TENM3: variants seen among roughly 807,000 people sequenced by gnomAD.
TENM3 encodes the protein teneurin transmembrane protein 3, also known as teneurin-3.
In TENM3, 63 loss-of-function variants were observed where a neutral mutation model predicts 255.1. That is an observed-to-expected ratio of 0.25 (90% CI 0.20 to 0.30). The LOEUF (loss-of-function observed/expected upper bound fraction) is 0.30. TENM3 is among the 10% of genes least tolerant of loss of function. The pLI is 1.00. For missense variants in TENM3, 2,929 were observed against 3,461.1 expected (o/e 0.85, Z 3.86); for synonymous variants, 1,306 against 1,322.3 (o/e 0.99, Z 0.27).
chr4:181,822,692 A>T, the TENM3 span, among the ~76,000 whole-genome samples: 1 of 152,214 alleles, frequency 6.6e-6, no homozygotes, highest in South Asian at 2.1e-4. Context: ...ACAAGTATGT[A>T]TGACACTTGC....
At chr4:181,462,897 C>T in the TENM3 span, among the ~76,000 whole-genome samples, 1,433 of 152,304 alleles carry the variant, frequency 9.4e-3, 10 homozygotes, top group Non-Finnish European at 0.014. Flanking sequence ...CACATATTTA[C>T]CTTATTCATC....
At chr4:182,766,285 G>T (rs1763710561) in intron 22 of TENM3, among the ~76,000 whole-genome samples, 1 of 152,036 alleles carries the variant, frequency 6.6e-6, no homozygotes, top group Non-Finnish European at 1.5e-5. Flanking sequence ...GCCATCAGCT[G>T]TCTAGGAGGT....
At chr4:182,448,829 C>T (rs1773169460) in intron 3 of TENM3, among the ~76,000 whole-genome samples, 1 of 151,392 alleles carries the variant, frequency 6.6e-6, no homozygotes, top group Non-Finnish European at 1.5e-5. Context: ...GGGGGTGAGG[C>T]GGCGGCCGAG....
At chr4:181,722,989 C>T in the TENM3 span, among the ~76,000 whole-genome samples, 1 of 152,038 alleles carries the variant, frequency 6.6e-6, no homozygotes, top group Non-Finnish European at 1.5e-5. Context: ...CTATTTTTGG[C>T]TTCTGAGCTC....
chr4:181,738,549 T>A, the TENM3 span, among the ~76,000 whole-genome samples: 1 of 152,256 alleles, frequency 6.6e-6, no homozygotes, highest in East Asian at 1.9e-4. Flanking sequence ...TTTTAGAATG[T>A]TTAGGTTTGG....
At chr4:181,661,758 A>G in the TENM3 span, among the ~76,000 whole-genome samples, 2 of 151,840 alleles carry the variant, frequency 1.3e-5, no homozygotes, top group African/African-American at 2.4e-5. Flanking sequence ...TTTCACAGTT[A>G]ATGAAAGGAG....
chr4:182,324,232 C>A lies in TENM3; in HGVS notation c.212C>A (p.Ala71Glu). ...NRVKDLVHRE[A>E]DEFTRQGQNF... ...GTGAAGGATTTGGTTCACAGAGAAGCAGACGAGTTCACTAGACAAGGTGGG... is the reference window on the plus strand; with the variant it reads ...GTGAAGGATTTGGTTCACAGAGAAGAAGACGAGTTCACTAGACAAGGTGGG... The change falls in exon 2 of 28, where the codon GCA becomes GAA. Residue 71 changes from alanine (A) to glutamate (E), a missense_variant. Ala to Glu is a moderately radical substitution (Grantham distance 107). Transcript: ENST00000511685. 1 of 1,613,592 alleles carries A rather than the reference C, an allele frequency of 6.2e-7. No homozygotes were observed. The highest frequency in any genetic ancestry group is 8.5e-7 in the Non-Finnish European group (1 of 1,179,492).
chr4:182,238,862 T>C (rs1757056773), upstream of TENM3, among the ~76,000 whole-genome samples: 1 of 152,086 alleles, frequency 6.6e-6, no homozygotes, highest in Admixed American at 6.5e-5. Context: ...CCTACCGCGG[T>C]GACTCATTCA....
At chr4:182,488,349 A>AT (rs1054387996) in intron 3 of TENM3, among the ~76,000 whole-genome samples, 5 of 152,204 alleles carry the variant, frequency 3.3e-5, no homozygotes, top group African/African-American at 1.2e-4. Flanking sequence ...GATGTATTTA[A>AT]TTTCCAAGAA....
chr4:182,513,397 T>G (rs1382093086), intron 3 of TENM3, among the ~76,000 whole-genome samples: 1 of 151,940 alleles, frequency 6.6e-6, no homozygotes, highest in Admixed American at 6.5e-5. Flanking sequence ...GATATATTAG[T>G]GATAGGATTA....
At chr4:182,090,105 C>T in the TENM3 span, among the ~76,000 whole-genome samples, 2 of 152,180 alleles carry the variant, frequency 1.3e-5, no homozygotes, top group Non-Finnish European at 2.9e-5. Flanking sequence ...CAGGCTCATG[C>T]TTTTGAACTC....
the TENM3 span, chr4:182,079,923 G>C: frequency 6.6e-6 from 1 of 152,314 alleles, no homozygotes; most frequent in Non-Finnish European, 1.5e-5. Flanking sequence ...CAAAGCTCTC[G>C]ACTACATGTC....
At chr4:181,587,181 G>T in the TENM3 span, among the ~76,000 whole-genome samples, 2 of 151,900 alleles carry the variant, frequency 1.3e-5, no homozygotes, top group Non-Finnish European at 2.9e-5. Flanking sequence ...CTATACTCCC[G>T]CACTCTCTCC....
intron 3 of TENM3, among the ~76,000 whole-genome samples, chr4:182,362,081 T>C (rs942075497): frequency 2.6e-5 from 4 of 152,168 alleles, no homozygotes; most frequent in Non-Finnish European, 5.9e-5. Flanking sequence ...TCTGGAAGTT[T>C]TGTCTCAGAG....
At chr4:181,835,486 T>A in the TENM3 span, among the ~76,000 whole-genome samples, 2 of 152,034 alleles carry the variant, frequency 1.3e-5, no homozygotes, top group African/African-American at 4.8e-5. Flanking sequence ...AGTAATTACA[T>A]GAATAATGAG....
chr4:182,765,758 T>C (rs1400101913), intron 22 of TENM3, among the ~76,000 whole-genome samples: 1 of 152,176 alleles, frequency 6.6e-6, no homozygotes, highest in Non-Finnish European at 1.5e-5. Flanking sequence ...GATTTTCCTG[T>C]CCTCACCTGT....
chr4:182,562,018 A>AGATAGAT (rs1743242465), intron 3 of TENM3, among the ~76,000 whole-genome samples: 1 of 151,968 alleles, frequency 6.6e-6, no homozygotes, highest in African/African-American at 2.4e-5. Flanking sequence ...ATAGATAGAT[A>AGATAGAT]GATAGATAGA....
intron 6 of TENM3, among the ~76,000 whole-genome samples, chr4:182,657,309 A>C (rs1397978350): frequency 6.6e-6 from 1 of 152,070 alleles, no homozygotes. Flanking sequence ...ACTATTTCAG[A>C]TCTTCCTGCT....
At chr4:182,357,766 G>T (rs1260289923) in intron 3 of TENM3, among the ~76,000 whole-genome samples, 4 of 148,944 alleles carry the variant, frequency 2.7e-5, no homozygotes, top group Admixed American at 2.0e-4. Context: ...CATTGCTTTT[G>T]GTGTTTTAGA....
Sources: gnomAD v4.1 joint callset for allele counts (sites outside exome capture counted in the v4.1 genomes callset) on GRCh38, gnomAD v4.1.1 for gene constraint, MANE v1.5 for transcripts, NCBI Gene and HGNC (gene_info 2026-07-23, HGNC 2026-07-21) for gene names.